JPH3: variants seen among roughly 807,000 people sequenced by gnomAD.
The protein encoded by JPH3 is junctophilin-3.
Under a neutral mutation model 59.6 loss-of-function variants are expected in JPH3, and 11 were observed. The observed-to-expected ratio is 0.18, with a 90% CI of 0.12 to 0.31. The LOEUF is 0.31. JPH3 is among the 10% of genes least tolerant of loss of function. The probability of loss-of-function intolerance (pLI) is 1.00; values close to 1 mark genes in which losing one functional copy is unlikely to be tolerated. For missense variants in JPH3, 1,202 were observed against 1,105.7 expected (o/e 1.09, Z -1.24); for synonymous variants, 673 against 483.6 (o/e 1.39, Z -5.14).
chr16:87,621,664 A>T (rs896451465), intron 1 of JPH3, among the ~76,000 whole-genome samples: 5 of 152,192 alleles, frequency 3.3e-5, no homozygotes, highest in African/African-American at 1.2e-4. Context: ...GCTCCGGTTG[A>T]AGGGCCGGGT....
chr16:87,664,283 A>G (rs1370163147), intron 2 of JPH3, among the ~76,000 whole-genome samples: 1 of 140,354 alleles, frequency 7.1e-6, no homozygotes, highest in Non-Finnish European at 1.5e-5. Context: ...GTGAGCCGAG[A>G]TTGCGCCACT....
rs2033923990 is a variant in JPH3 at position 87,697,355 on chromosome 16, T to A, written c.*695T>A. 1 of 152,428 alleles carries A rather than the reference T, an allele frequency of 6.6e-6. No homozygotes were observed. The highest frequency in any genetic ancestry group is 1.5e-5 in the Non-Finnish European group (1 of 68,222). 9.4% of individuals were successfully genotyped at this position (152,428 alleles called of 1,614,324 possible). A position where few individuals can be genotyped will look rare whatever the true frequency, so the allele number is the denominator to read the frequency against. ...GAGTTTTAAAGCAAAGCCCTTTTCT[T>A]CTGCTGCCCACTCACTGTGGGTCCC... On this transcript the variant is annotated 3_prime_UTR_variant, in exon 5 of 5. Coordinates refer to ENST00000284262, the MANE Select transcript of JPH3 (RefSeq NM_020655.4).
rs989214567 is a variant in JPH3, at chr16:87,696,901, G to T, written c.*241G>T. 1 of 497,052 alleles carries T rather than the reference G, an allele frequency of 2.0e-6. No homozygotes were observed. The highest frequency in any genetic ancestry group is 3.7e-6 in the Non-Finnish European group (1 of 272,170). 30.8% of individuals were successfully genotyped at this position (497,052 alleles called of 1,614,324 possible). A position where few individuals can be genotyped will look rare whatever the true frequency, so the allele number is the denominator to read the frequency against. ...CACTCTGCTGTGTGGCATGGCAGAA[G>T]GAGGCCAGCACGCAGCCCCTCCAGC... On this transcript the variant is annotated 3_prime_UTR_variant, in exon 5 of 5. Coordinates refer to ENST00000284262, the MANE Select transcript of JPH3 (RefSeq NM_020655.4).
In JPH3 at chr16:87,644,862, G is replaced by A. The variant is rs150628659; in HGVS notation, c.987G>A (p.Pro329=). 6.4e-5 allele frequency: 103 copies of A among 1,613,434 alleles called. 1 individual carries two copies. Among genetic ancestry groups the A allele is most frequent in the South Asian group, 5.7e-4 (52 of 91,076 alleles). Residue 329 remains proline (P), a synonymous_variant, in exon 2 of 5, where the codon CCG becomes CCA. Transcript: ENST00000284262. ...ATGGCTACGGCTGCATGACCTTCCCGGACGGCACCAAGGAGGAGGGCAAGT... is the reference window on the plus strand; with the variant it reads ...ATGGCTACGGCTGCATGACCTTCCCAGACGGCACCAAGGAGGAGGGCAAGT... ...RRHGYGCMTF[P]DGTKEEGKYK...
At chr16:87,684,882 G>A (rs2033379725) in intron 3 of JPH3, among the ~76,000 whole-genome samples, 1 of 151,600 alleles carries the variant, frequency 6.6e-6, no homozygotes, top group African/African-American at 2.4e-5. Context: ...CGTGGAGGGT[G>A]TGGGGTGGGT....
At chr16:87,641,965 G>T (rs1385128167) in intron 1 of JPH3, among the ~76,000 whole-genome samples, 2 of 152,216 alleles carry the variant, frequency 1.3e-5, no homozygotes, top group African/African-American at 4.8e-5. Flanking sequence ...GCCCTGGGGT[G>T]CTTGGAGGTG....
At chr16:87,696,527 C>G (rs893735239) in intron 4 of JPH3, 53 bp from the exon 5 acceptor site, 4 of 1,497,082 alleles carry the variant, frequency 2.7e-6, no homozygotes, top group Non-Finnish European at 3.7e-6. Flanking sequence ...CGTGGTGGCC[C>G]AGGCAGAGCC....
intron 2 of JPH3, among the ~76,000 whole-genome samples, chr16:87,677,369 C>G (rs532620578): frequency 6.6e-6 from 1 of 152,056 alleles, no homozygotes; most frequent in South Asian, 2.1e-4. Flanking sequence ...GGTGACAGAG[C>G]AAAATTCTGT....
At position 87,672,910 on chromosome 16, in the gene JPH3, C is replaced by T. The variant is rs114856830; in HGVS notation, c.1161-11232C>T. Reference sequence around the variant, plus strand: ...CTATAATCTCAGCACTTTGGGAGGCCGACATGGGCACATCACCTAAGGTCA... The same window carrying T: ...CTATAATCTCAGCACTTTGGGAGGCTGACATGGGCACATCACCTAAGGTCA... On this transcript the variant is annotated intron_variant, in intron 2 of 4. Transcript: ENST00000284262. 5.0e-3 allele frequency among the ~76,000 whole-genome samples: 756 copies of T among 152,234 alleles called. 12 individuals carry two copies. The highest frequency in any genetic ancestry group is 0.017 in the African/African-American group (720 of 41,530).
At chr16:87,671,342 C>T (rs963505530) in intron 2 of JPH3, among the ~76,000 whole-genome samples, 1 of 152,188 alleles carries the variant, frequency 6.6e-6, no homozygotes, top group African/African-American at 2.4e-5. Context: ...GCCCTCTGAC[C>T]CGTCAGGGGC....
intron 4 of JPH3, among the ~76,000 whole-genome samples, chr16:87,690,830 C>T (rs562663187): frequency 2.0e-5 from 3 of 152,256 alleles, no homozygotes; most frequent in Non-Finnish European, 4.4e-5. Flanking sequence ...ACGTGCTCAA[C>T]CCCAGCTGCT....
intron 2 of JPH3, among the ~76,000 whole-genome samples, chr16:87,650,063 G>A (rs1490861720): frequency 2.0e-5 from 3 of 152,308 alleles, no homozygotes; most frequent in African/African-American, 4.8e-5. Flanking sequence ...AGGGGGTTTC[G>A]CTTCATTGTG....
At chr16:87,657,451 G>A (rs538058434) in intron 2 of JPH3, among the ~76,000 whole-genome samples, 13 of 152,304 alleles carry the variant, frequency 8.5e-5, no homozygotes, top group South Asian at 4.1e-4. Context: ...TGAGGGCGAC[G>A]ACAGTACCCT....
chr16:87,650,565 C>T (rs1244086157), intron 2 of JPH3, among the ~76,000 whole-genome samples: 1 of 152,196 alleles, frequency 6.6e-6, no homozygotes, highest in Non-Finnish European at 1.5e-5. Context: ...AGGCCTCATG[C>T]ACCAGGCAGC....
At chr16:87,659,584 A>G (rs1047978824) in intron 2 of JPH3, among the ~76,000 whole-genome samples, 26 of 151,838 alleles carry the variant, frequency 1.7e-4, no homozygotes, top group African/African-American at 6.0e-4. Flanking sequence ...TTAGTAGTGT[A>G]TTAGTGGGTG....
intron 4 of JPH3, 76 bp from the exon 5 acceptor site, chr16:87,696,504 C>T (rs1041222845): frequency 9.9e-6 from 12 of 1,214,758 alleles, no homozygotes; most frequent in Admixed American, 5.1e-5. Context: ...GGTGAAAAGA[C>T]GTGGGTGGGA....
intron 4 of JPH3, chr16:87,695,105 A>G (rs2033763362): frequency 2.8e-6 from 1 of 355,488 alleles, no homozygotes; most frequent in Non-Finnish European, 5.5e-6. Flanking sequence ...GTTCTCATCA[A>G]TTCTCTTCCA....
rs369259834 is a variant in JPH3 at position 87,626,133 on chromosome 16, C to T, written c.383-18125C>T. 8.5e-5 allele frequency among the ~76,000 whole-genome samples: 13 copies of T among 152,270 alleles called. No individual in the cohort carries two copies. The East Asian group carries it at 1.9e-3, about 23-fold the overall frequency. On this transcript the variant is annotated intron_variant, in intron 1 of 4. Coordinates refer to ENST00000284262, the MANE Select transcript of JPH3 (RefSeq NM_020655.4). The stretch of plus-strand genomic sequence containing the variant: ...GGAGCCTCCTTGGGGGTGCCAAGAG[C>T]AACAGCGGCCGGGGTCTCATGTCTG...
At chr16:87,606,640 A>C (rs985838895) in intron 1 of JPH3, among the ~76,000 whole-genome samples, 1 of 152,220 alleles carries the variant, frequency 6.6e-6, no homozygotes, top group Non-Finnish European at 1.5e-5. Context: ...GGTTGATAAC[A>C]ATACCTGTAA....
Sources: gnomAD v4.1 joint callset for allele counts (sites outside exome capture counted in the v4.1 genomes callset) on GRCh38, gnomAD v4.1.1 for gene constraint, MANE v1.5 for transcripts, NCBI Gene and HGNC (gene_info 2026-07-23, HGNC 2026-07-21) for gene names.